Variants in ARFGEF3 observed in about 807,000 individuals in gnomAD.
ARFGEF3 encodes the protein brefeldin A-inhibited guanine nucleotide-exchange protein 3.
In ARFGEF3, 96 loss-of-function variants were observed where a neutral mutation model predicts 221.7. That is an observed-to-expected ratio of 0.43 (90% CI 0.37 to 0.51). ARFGEF3 has a LOEUF of 0.51. Ranked by LOEUF, ARFGEF3 falls within the 20% of genes least tolerant of loss-of-function variation. The pLI, the probability that ARFGEF3 is intolerant of heterozygous loss-of-function variation, is 0.00. For missense variants in ARFGEF3, 2,410 were observed against 2,789.9 expected (o/e 0.86, Z 3.07); for synonymous variants, 1,145 against 1,126.8 (o/e 1.02, Z -0.32).
Position 138,291,983 on chromosome 6 carries a change from C to T in ARFGEF3, c.3298C>T (p.Arg1100Cys), listed in dbSNP as rs1483636261. ...CAGCCGGGGTCGGGCCTCCGACTTC[C>T]GCGGCGGGAGCCTCATGAGCGGGAG... ...EGSRGRASDFRGGSLMSGSSA... is the reference protein window; with the variant it reads ...EGSRGRASDFCGGSLMSGSSA... Residue 1100 changes from arginine to cysteine, a missense_variant, in exon 19 of 34, where the codon CGC becomes TGC. Transcript: ENST00000251691. The surrounding 1 kb of genome is among the most constrained non-coding windows in gnomAD (Gnocchi z 4.5). The T allele has an allele frequency of 1.8e-5, 27 of 1,535,140 alleles. No individual in the cohort carries two copies. Among genetic ancestry groups the T allele is most frequent in the Non-Finnish European group, 2.3e-5 (26 of 1,144,576 alleles).
chr6:138,212,789 C>T lies in ARFGEF3; in HGVS notation c.351+2748C>T, dbSNP rs147352993. Reference sequence around the variant, plus strand: ...ACTATCACAAGGACAGAAAACCAAACACCACATGTTCTCACTTATAGGTGG... The same window carrying T: ...ACTATCACAAGGACAGAAAACCAAATACCACATGTTCTCACTTATAGGTGG... On this transcript the variant is annotated intron_variant, in intron 4 of 33. Transcript: ENST00000251691. 3.8e-3 allele frequency among the ~76,000 whole-genome samples: 583 copies of T among 152,280 alleles called. 1 individual carries two copies. Among genetic ancestry groups the T allele is most frequent in the African/African-American group, 0.013 (545 of 41,558 alleles).
intron 5 of ARFGEF3, 111 bp from the exon 6 acceptor site, chr6:138,238,397 GC>G: frequency 8.9e-7 from 1 of 1,121,986 alleles, no homozygotes; most frequent in Non-Finnish European, 1.3e-6. Flanking sequence ...CCTAAATCAG[GC>G]TGACTTTCTG....
chr6:138,279,859 C>A, intron 13 of ARFGEF3, 140 bp from the exon 14 acceptor site: 1 of 724,490 alleles, frequency 1.4e-6, no homozygotes, highest in Non-Finnish European at 2.3e-6. Context: ...CTACTTCTCC[C>A]CACTTGCCGC....
chr6:138,217,858 T>C, intron 4 of ARFGEF3: 1 of 1,311,486 alleles, frequency 7.6e-7, no homozygotes, highest in East Asian at 2.4e-5. Context: ...CATCATCAAA[T>C]TCTTTTCATA....
At chr6:138,165,306 G>T (rs559318927) in intron 1 of ARFGEF3, among the ~76,000 whole-genome samples, 1 of 149,626 alleles carries the variant, frequency 6.7e-6, no homozygotes, top group African/African-American at 2.5e-5. Flanking sequence ...ACCCTCATAA[G>T]AGAGAGGGGC....
intron 12 of ARFGEF3, among the ~76,000 whole-genome samples, chr6:138,277,368 T>C (rs950165607): frequency 6.6e-6 from 1 of 152,256 alleles, no homozygotes; most frequent in Admixed American, 6.5e-5. Context: ...TCCATTCATC[T>C]GTTGATGGGC....
intron 10 of ARFGEF3, among the ~76,000 whole-genome samples, chr6:138,259,464 C>T (rs1778746792): frequency 6.6e-6 from 1 of 152,172 alleles, no homozygotes; most frequent in Admixed American, 6.5e-5. Flanking sequence ...TAGAAGCCCC[C>T]TAGTCTTTAT....
chr6:138,298,857 C>A, intron 22 of ARFGEF3, 72 bp downstream of exon 22: 1 of 1,115,792 alleles, frequency 9.0e-7, no homozygotes. Flanking sequence ...GTTCTATGAG[C>A]TTCGCACACT....
rs1354597205 is a variant in ARFGEF3 at position 138,338,799 on chromosome 6, TAA to T, written c.*2332_*2333del. 0.019 allele frequency: 1,992 copies of T among 103,610 alleles called. 20 individuals are homozygous for T. Among genetic ancestry groups the T allele is most frequent in the Admixed American group, 0.033 (316 of 9,622 alleles). 6.4% of individuals were successfully genotyped at this position (103,610 alleles called of 1,614,324 possible). A position where few individuals can be genotyped will look rare whatever the true frequency, so the allele number is the denominator to read the frequency against. On this transcript the variant is annotated 3_prime_UTR_variant, in exon 34 of 34. Coordinates refer to ENST00000251691, the MANE Select transcript of ARFGEF3 (RefSeq NM_020340.5). ...TGGGTGACAAGAGTGAAACTCCATCTAAAAAAAAAAAAAAAAAAAAGTGAATA... is the reference window on the plus strand; with the variant it reads ...TGGGTGACAAGAGTGAAACTCCATCTAAAAAAAAAAAAAAAAAAGTGAATA...
In ARFGEF3 at chr6:138,336,928, T is replaced by C. The variant is rs1780337767; in HGVS notation, c.*442T>C. On this transcript the variant is annotated 3_prime_UTR_variant, in exon 34 of 34. Coordinates refer to ENST00000251691, the MANE Select transcript of ARFGEF3 (RefSeq NM_020340.5). ...AGCTGATAAACACTCAGACATCTAG[T>C]ACCAGGGATTATTAATTGGAGGAAG... 6.6e-6 allele frequency: 1 copy of C among 152,586 alleles called. No homozygotes were observed. The highest frequency in any genetic ancestry group is 2.4e-5 in the African/African-American group (1 of 41,460). The allele number at this position is 152,586 out of a possible 1,614,324, so 9.5% of individuals were successfully genotyped here.
chr6:138,235,039 C>T (rs747241796), intron 5 of ARFGEF3, among the ~76,000 whole-genome samples: 1 of 152,130 alleles, frequency 6.6e-6, no homozygotes, highest in Admixed American at 6.5e-5. Context: ...TATATAGCTA[C>T]GTTCCACTGT....
At chr6:138,289,023 G>A (rs550529352) in intron 17 of ARFGEF3, among the ~76,000 whole-genome samples, 2 of 151,984 alleles carry the variant, frequency 1.3e-5, no homozygotes, top group Non-Finnish European at 2.9e-5. Context: ...GCACCATCTC[G>A]GCTTACTGCA....
At chr6:138,272,215 G>T (rs1421630650) in intron 12 of ARFGEF3, among the ~76,000 whole-genome samples, 3 of 152,012 alleles carry the variant, frequency 2.0e-5, no homozygotes, top group Non-Finnish European at 2.9e-5. Context: ...GAGTGCAGTG[G>T]CACGATCTCG....
At position 138,234,116 on chromosome 6, in the gene ARFGEF3, C is replaced by T. The variant is rs73774694; in HGVS notation, c.420+4264C>T. On this transcript the variant is annotated intron_variant, in intron 5 of 33. Transcript: ENST00000251691. ...TTCCATACCTCCCTTAAACCTCTTA[C>T]TTGCATGGCTTGTGAAGAAGTTGTT... 7.7e-3 allele frequency among the ~76,000 whole-genome samples: 1,173 copies of T among 152,332 alleles called. 11 individuals are homozygous for T. The highest frequency in any genetic ancestry group is 0.026 in the African/African-American group (1,073 of 41,572).
Position 138,339,551 on chromosome 6 carries a change from C to T in ARFGEF3, c.*3065C>T, listed in dbSNP as rs1438841206. 1 of 152,156 alleles carries T rather than the reference C, an allele frequency of 6.6e-6. No homozygotes were observed. The highest frequency in any genetic ancestry group is 1.5e-5 in the Non-Finnish European group (1 of 68,042). The allele number at this position is 152,156 out of a possible 1,614,324, so 9.4% of individuals were successfully genotyped here. A position where few individuals can be genotyped will look rare whatever the true frequency, so the allele number is the denominator to read the frequency against. ...ATATTACCTTAAAGTTGAGATCTTT[C>T]TCTTCTTTTCCTAAATTTTGGTAAA... On this transcript the variant is annotated 3_prime_UTR_variant, in exon 34 of 34. Transcript: ENST00000251691.
intron 12 of ARFGEF3, among the ~76,000 whole-genome samples, chr6:138,266,591 T>C (rs948129126): frequency 2.2e-4 from 33 of 152,066 alleles, no homozygotes; most frequent in Non-Finnish European, 3.5e-4. Context: ...GGCTCACACC[T>C]GCAATCCCAC....
chr6:138,234,643 C>G (rs1232722806), intron 5 of ARFGEF3, among the ~76,000 whole-genome samples: 1 of 152,160 alleles, frequency 6.6e-6, no homozygotes, highest in Non-Finnish European at 1.5e-5. Flanking sequence ...CTTAGACTTA[C>G]AGTGAGAGCC....
rs746047704 is a variant in ARFGEF3, at chr6:138,162,069, G to A, written c.-18G>A. On this transcript the variant is annotated 5_prime_UTR_variant, in exon 1 of 34. Transcript: ENST00000251691. The surrounding 1 kb of genome is among the most constrained non-coding windows in gnomAD (Gnocchi z 4.7). ...CTTCTCTCCCTGTGGGCGGCGGCCC[G>A]GCGCCTGGAAGGTCAAGATGGAAGA... is the stretch of plus-strand genomic sequence containing the variant. 5.7e-6 allele frequency: 9 copies of A among 1,565,650 alleles called. No individual in the cohort carries two copies. In the African/African-American group the frequency reaches 9.9e-5, roughly 17 times the overall value.
intron 5 of ARFGEF3, among the ~76,000 whole-genome samples, chr6:138,234,930 G>A (rs1441121652): frequency 6.6e-6 from 1 of 152,116 alleles, no homozygotes; most frequent in African/African-American, 2.4e-5. Context: ...CAAAGTGAAG[G>A]TCATATGTAT....
Sources: gnomAD v4.1 joint callset for allele counts (sites outside exome capture counted in the v4.1 genomes callset) on GRCh38, gnomAD v4.1.1 for gene constraint, Gnocchi (gnomAD v3.1) non-coding constraint, MANE v1.5 for transcripts, NCBI Gene and HGNC (gene_info 2026-07-23, HGNC 2026-07-21) for gene names.